Variants in BCAR3 observed in about 807,000 individuals in gnomAD.
BCAR3 encodes breast cancer anti-estrogen resistance protein 3.
Under a neutral mutation model 80.1 loss-of-function variants are expected in BCAR3, and 37 were observed. The ratio of observed to expected loss-of-function variants is 0.46; its 90% CI spans 0.36 to 0.61. The LOEUF is 0.61. Ranked by LOEUF, BCAR3 falls within the 20% of genes least tolerant of loss-of-function variation. The pLI is 0.00. For synonymous variants in BCAR3, 389 were observed against 418.9 expected (o/e 0.93, Z 0.87); for missense variants, 978 against 1,068.2 (o/e 0.92, Z 1.18).
chr1:93,695,203 A>G (rs1284069259), intron 3 of BCAR3, among the ~76,000 whole-genome samples: 1 of 152,250 alleles, frequency 6.6e-6, no homozygotes, highest in East Asian at 1.9e-4. Flanking sequence ...GTCTGGACCC[A>G]TATCCTTCTG....
At chr1:93,625,636 C>T (rs1360055873) in intron 3 of BCAR3, among the ~76,000 whole-genome samples, 2 of 152,176 alleles carry the variant, frequency 1.3e-5, no homozygotes, top group African/African-American at 4.8e-5. Context: ...GCTTCTCAGA[C>T]CAGGTTCCTG....
chr1:93,767,316 A>C (rs1652189343), intron 2 of BCAR3, among the ~76,000 whole-genome samples: 1 of 152,178 alleles, frequency 6.6e-6, no homozygotes, highest in Non-Finnish European at 1.5e-5. Flanking sequence ...TGAGCACAGG[A>C]GTTCCAGACC....
Position 93,571,828 on chromosome 1 carries a change from C to T in BCAR3, c.1816G>A (p.Ala606Thr). 1.9e-6 allele frequency: 3 copies of T among 1,613,364 alleles called. No homozygotes were observed. Among genetic ancestry groups the T allele is most frequent in the Non-Finnish European group, 2.5e-6 (3 of 1,179,622 alleles). ...AGAATGTCCACTGCAATGCCGATGG[C>T]CATTGTGTTGTGTCTGAAAGCCAGG... ...LDIIERHNTM[A>T]IGIAVDILGC... The change falls in exon 9 of 12, where the codon GCC becomes ACC. Residue 606 changes from alanine to threonine, a missense_variant. Physicochemically the swap from Ala to Thr is moderately conservative, Grantham distance 58. Coordinates refer to ENST00000260502, the MANE Select transcript of BCAR3 (RefSeq NM_003567.4).
At chr1:93,641,725 GC>G (rs1675982514) in intron 3 of BCAR3, among the ~76,000 whole-genome samples, 1 of 152,160 alleles carries the variant, frequency 6.6e-6, no homozygotes, top group Admixed American at 6.5e-5. Flanking sequence ...CAAGAGGGTG[GC>G]TGTTGGAATG....
At chr1:93,619,037 C>G (rs984681652) in intron 3 of BCAR3, among the ~76,000 whole-genome samples, 1 of 150,190 alleles carries the variant, frequency 6.7e-6, no homozygotes, top group Non-Finnish European at 1.5e-5. Flanking sequence ...CTCCCAGGTT[C>G]GAGCAATTCT....
chr1:93,735,678 A>G (rs1283485781), intron 2 of BCAR3, among the ~76,000 whole-genome samples: 1 of 152,212 alleles, frequency 6.6e-6, no homozygotes, highest in Non-Finnish European at 1.5e-5. Context: ...AAATCTTTAC[A>G]GGCCCATGAA....
At chr1:93,836,618 C>T (rs1571161582) in intron 2 of BCAR3, among the ~76,000 whole-genome samples, 1 of 152,034 alleles carries the variant, frequency 6.6e-6, no homozygotes, top group Admixed American at 6.5e-5. Flanking sequence ...CCAAAATTTT[C>T]ACCGCCCCAA....
chr1:93,639,475 ATTTTTTT>A (rs139593635), intron 3 of BCAR3, among the ~76,000 whole-genome samples: 5 of 128,118 alleles, frequency 3.9e-5, no homozygotes, highest in Admixed American at 1.6e-4. Context: ...GGGGAGCAGC[ATTTTTTT>A]TTTTTTTTTT....
chr1:93,715,225 C>T (rs187007989), intron 2 of BCAR3, among the ~76,000 whole-genome samples: 3 of 152,338 alleles, frequency 2.0e-5, no homozygotes, highest in Admixed American at 2.0e-4. Flanking sequence ...TTCATCACCC[C>T]TTGTGTTTAC....
At chr1:93,722,973 C>T (rs1450025065) in intron 2 of BCAR3, among the ~76,000 whole-genome samples, 1 of 152,106 alleles carries the variant, frequency 6.6e-6, no homozygotes, top group Non-Finnish European at 1.5e-5. Flanking sequence ...GTAAAGGTCA[C>T]CGCCTGAAGA....
chr1:93,712,525 G>C (rs1557663037), intron 2 of BCAR3, among the ~76,000 whole-genome samples: 1 of 152,160 alleles, frequency 6.6e-6, no homozygotes, highest in Non-Finnish European at 1.5e-5. Flanking sequence ...TCATAAAAGT[G>C]CTCACTGTCT....
At chr1:93,837,509 C>T (rs773811402) in intron 2 of BCAR3, among the ~76,000 whole-genome samples, 1 of 152,192 alleles carries the variant, frequency 6.6e-6, no homozygotes, top group African/African-American at 2.4e-5. Flanking sequence ...TCTGTTGCTT[C>T]CAAATTTTGC....
rs559333049 is a variant in BCAR3 at position 93,713,021 on chromosome 1, A to T, written c.-62-6879T>A. ...CTTTTTCTCTAGGGCAATACAGTTCAGTAGAACTTTCTGTAATGATGAGAA... is the reference window on the plus strand; with the variant it reads ...CTTTTTCTCTAGGGCAATACAGTTCTGTAGAACTTTCTGTAATGATGAGAA... On this transcript the variant is annotated intron_variant, in intron 2 of 13. Coordinates refer to the BCAR3 transcript ENST00000370244. Among the ~76,000 whole-genome samples the T allele has an allele frequency of 3.9e-5, 6 of 152,370 alleles. No homozygotes were observed. In the East Asian group the frequency reaches 1.2e-3, roughly 29 times the overall value.
chr1:93,670,508 G>T (rs1877604), intron 2 of BCAR3, among the ~76,000 whole-genome samples: 19,961 of 152,126 alleles, frequency 0.13, 1,389 homozygotes, highest in Middle Eastern at 0.16. Flanking sequence ...GCCCACAGCT[G>T]GTGCCAACAT....
chr1:93,817,398 C>A (rs879607834), intron 2 of BCAR3, among the ~76,000 whole-genome samples: 1 of 152,222 alleles, frequency 6.6e-6, no homozygotes, highest in Non-Finnish European at 1.5e-5. Context: ...TTATTGAGCA[C>A]TGTGCTAAGT....
chr1:93,656,194 G>A (rs1322703400), intron 2 of BCAR3, among the ~76,000 whole-genome samples: 2 of 152,080 alleles, frequency 1.3e-5, no homozygotes, highest in African/African-American at 4.8e-5. Flanking sequence ...ATTGCAATGT[G>A]TCTAGGTGAA....
intron 3 of BCAR3, among the ~76,000 whole-genome samples, chr1:93,596,740 G>C (rs1674432425): frequency 6.6e-6 from 1 of 152,172 alleles, no homozygotes; most frequent in Non-Finnish European, 1.5e-5. Context: ...CCTTGAGTTT[G>C]AACCTCATTC....
chr1:93,570,960 T>C (rs1570909358), intron 9 of BCAR3, among the ~76,000 whole-genome samples: 1 of 152,250 alleles, frequency 6.6e-6, no homozygotes, highest in Middle Eastern at 3.4e-3. Flanking sequence ...TCCCAGCACT[T>C]TGGGAGGCCG....
rs773998676 is a variant in BCAR3, at chr1:93,674,604, C to T, written c.317+10G>A. The T allele has an allele frequency of 1.2e-6, 2 of 1,609,814 alleles. No individual in the cohort carries two copies. The highest frequency in any genetic ancestry group is 1.7e-6 in the Non-Finnish European group (2 of 1,179,098). ...CAAATCATCTTCACTAGTGAAATTACAGAAGTTACCTGAAGGTGAAGGTTT... is the reference window on the plus strand; with the variant it reads ...CAAATCATCTTCACTAGTGAAATTATAGAAGTTACCTGAAGGTGAAGGTTT... On this transcript the variant is annotated intron_variant, in intron 2 of 11. Transcript: ENST00000260502.
Sources: gnomAD v4.1 joint callset for allele counts (sites outside exome capture counted in the v4.1 genomes callset) on GRCh38, gnomAD v4.1.1 for gene constraint, MANE v1.5 for transcripts, NCBI Gene and HGNC (gene_info 2026-07-23, HGNC 2026-07-21) for gene names.